Variants in SAMD4A observed in about 807,000 individuals in gnomAD.
SAMD4A encodes the protein protein Smaug homolog 1.
SAMD4A carries 33 observed loss-of-function variants against 81.3 expected under a neutral mutation model. The observed-to-expected ratio is 0.41, with a 90% confidence interval of 0.31 to 0.54. The LOEUF (loss-of-function observed/expected upper bound fraction) is 0.54. SAMD4A is among the 20% of genes least tolerant of loss of function. SAMD4A has a pLI of 0.37. For missense variants in SAMD4A, 854 were observed against 951.1 expected, an observed-to-expected ratio of 0.90 and a Z score of 1.34; for synonymous variants, 389 against 382.1, an observed-to-expected ratio of 1.02 and a Z score of -0.21.
At chr14:54,705,981 A>G (rs1349856054) in intron 3 of SAMD4A, among the ~76,000 whole-genome samples, 2 of 152,240 alleles carry the variant, frequency 1.3e-5, no homozygotes, top group Non-Finnish European at 2.9e-5. Context: ...ATGAAGTGCC[A>G]GTTGAATGTA....
chr14:54,633,651 G>A (rs1013414447), intron 2 of SAMD4A, among the ~76,000 whole-genome samples: 3 of 152,012 alleles, frequency 2.0e-5, no homozygotes, highest in African/African-American at 2.4e-5. Flanking sequence ...GGATGGGGAG[G>A]GGGCAGGAGG....
At chr14:54,585,550 A>T (rs7160154) in intron 2 of SAMD4A, among the ~76,000 whole-genome samples, 21,340 of 152,076 alleles carry the variant, frequency 0.14, 1,879 homozygotes, top group East Asian at 0.37. Context: ...TCACCTGAGC[A>T]GTGCACACTT....
At chr14:54,662,957 C>T (rs910192654) in intron 2 of SAMD4A, among the ~76,000 whole-genome samples, 9 of 152,190 alleles carry the variant, frequency 5.9e-5, no homozygotes, top group African/African-American at 1.9e-4. Flanking sequence ...AGGTCACAGA[C>T]TCTGCAGACG....
At chr14:54,782,984 C>G (rs1221691706) in intron 11 of SAMD4A, among the ~76,000 whole-genome samples, 3 of 152,130 alleles carry the variant, frequency 2.0e-5, no homozygotes, top group Non-Finnish European at 4.4e-5. Context: ...GGTAGAGGAG[C>G]TAAGGCCCTC....
At chr14:54,782,497 C>T (rs1484039700) in intron 11 of SAMD4A, among the ~76,000 whole-genome samples, 2 of 152,124 alleles carry the variant, frequency 1.3e-5, no homozygotes, top group Non-Finnish European at 2.9e-5. Context: ...TTGCCCCGAC[C>T]CTACTCTAAC....
intron 4 of SAMD4A, among the ~76,000 whole-genome samples, chr14:54,743,527 G>A (rs191398123): frequency 1.2e-4 from 18 of 152,342 alleles, no homozygotes; most frequent in African/African-American, 4.3e-4. Flanking sequence ...GGCACACAAG[G>A]CGCAGCCTTT....
chr14:54,615,556 G>A (rs1365727763), intron 2 of SAMD4A, among the ~76,000 whole-genome samples: 1 of 152,234 alleles, frequency 6.6e-6, no homozygotes, highest in Non-Finnish European at 1.5e-5. Flanking sequence ...GCAGATGTTT[G>A]TGGATTGACA....
chr14:54,670,709 A>T (rs1449791468), intron 2 of SAMD4A, among the ~76,000 whole-genome samples: 1 of 152,232 alleles, frequency 6.6e-6, no homozygotes, highest in Non-Finnish European at 1.5e-5. Flanking sequence ...TGTTGTCTTC[A>T]TATCATTGTT....
At chr14:54,672,020 GTTTTT>G (rs56900347) in intron 2 of SAMD4A, among the ~76,000 whole-genome samples, 232 of 125,066 alleles carry the variant, frequency 1.9e-3, no homozygotes, top group African/African-American at 6.3e-3. Flanking sequence ...TGTTTATAGT[GTTTTT>G]TTTTTTTTTT....
intron 3 of SAMD4A, among the ~76,000 whole-genome samples, chr14:54,709,806 T>C (rs1566597551): frequency 1.3e-5 from 2 of 152,162 alleles, no homozygotes; most frequent in African/African-American, 4.8e-5. Context: ...TTAGCATCTC[T>C]AGGTTTGCTT....
intron 2 of SAMD4A, among the ~76,000 whole-genome samples, chr14:54,697,983 G>A (rs758263347): frequency 1.9e-4 from 29 of 152,190 alleles, no homozygotes; most frequent in Admixed American, 2.6e-4. Flanking sequence ...CTCGGAGACA[G>A]CAAGGGGAGG....
chr14:54,764,761 T>C (rs1291356645), intron 8 of SAMD4A, among the ~76,000 whole-genome samples: 1 of 152,202 alleles, frequency 6.6e-6, no homozygotes, highest in Non-Finnish European at 1.5e-5. Context: ...CTGAGTGTTC[T>C]GATGTGCAGT....
intron 11 of SAMD4A, 86 bp downstream of exon 11, chr14:54,776,626 C>T (rs2038857552): frequency 7.4e-7 from 1 of 1,358,428 alleles, no homozygotes; most frequent in South Asian, 1.8e-5. Context: ...AGTGCTTAGC[C>T]TCGACTGTCA....
At chr14:54,653,237 A>G (rs1044628592) in intron 2 of SAMD4A, among the ~76,000 whole-genome samples, 1 of 151,184 alleles carries the variant, frequency 6.6e-6, no homozygotes, top group African/African-American at 2.4e-5. Context: ...TTTTTCACTC[A>G]TGTCTAGGCA....
In SAMD4A at chr14:54,789,522, A is replaced by G. The variant is rs1037295230; in HGVS notation, c.*578A>G. ...GGAAAGAAGGAAGAAATTCCCTGCA[A>G]CAAAACTTCAGCTAAACTTTGATTT... is the stretch of plus-strand genomic sequence containing the variant. On this transcript the variant is annotated 3_prime_UTR_variant, in exon 13 of 13. Coordinates refer to ENST00000554335, the MANE Select transcript of SAMD4A (RefSeq NM_015589.6). 1 of 153,532 alleles carries G rather than the reference A, an allele frequency of 6.5e-6. No homozygotes were observed. The allele number at this position is 153,532 out of a possible 1,614,324, so 9.5% of individuals were successfully genotyped here.
intron 2 of SAMD4A, among the ~76,000 whole-genome samples, chr14:54,643,034 T>C (rs74055547): frequency 3.6e-3 from 551 of 152,332 alleles, no homozygotes; most frequent in African/African-American, 0.013. Flanking sequence ...CCGTCTTTGC[T>C]TCCTCTAATA....
chr14:54,761,402 A>T (rs186477904), intron 7 of SAMD4A, among the ~76,000 whole-genome samples: 1 of 152,230 alleles, frequency 6.6e-6, no homozygotes, highest in East Asian at 1.9e-4. Flanking sequence ...GAGGTGACAA[A>T]ATCCAAACCT....
chr14:54,753,688 A>G (rs1486786782), intron 6 of SAMD4A, among the ~76,000 whole-genome samples: 1 of 151,990 alleles, frequency 6.6e-6, no homozygotes. Flanking sequence ...GAATATACAT[A>G]TATAACTTTG....
chr14:54,675,103 C>A (rs149015138), intron 2 of SAMD4A, among the ~76,000 whole-genome samples: 2 of 152,050 alleles, frequency 1.3e-5, no homozygotes, highest in African/African-American at 2.4e-5. Flanking sequence ...TGGTGGCTCG[C>A]GCCTGTAATC....
Sources: gnomAD v4.1 joint callset for allele counts (sites outside exome capture counted in the v4.1 genomes callset) on GRCh38, gnomAD v4.1.1 for gene constraint, MANE v1.5 for transcripts, NCBI Gene and HGNC (gene_info 2026-07-23, HGNC 2026-07-21) for gene names.